The following DIAPH2 variants were observed in gnomAD, a reference collection of about 807,000 sequenced individuals.
DIAPH2 encodes diaphanous related formin 2, also known as protein diaphanous homolog 2.
A neutral mutation model predicts 92.7 loss-of-function variants in DIAPH2; 35 were observed. That is an observed-to-expected ratio of 0.38 (90% CI 0.29 to 0.50). The LOEUF (loss-of-function observed/expected upper bound fraction) is 0.50. DIAPH2 is among the 20% of genes least tolerant of loss of function. The pLI is 0.94. For missense variants in DIAPH2, 701 were observed against 819.5 expected, an observed-to-expected ratio of 0.86 and a Z score of 1.77; for synonymous variants, 301 against 280.4, an observed-to-expected ratio of 1.07 and a Z score of -0.73.
intron 26 of DIAPH2, chrX:97,431,387 A>T (rs957395500): frequency 1.8e-5 from 2 of 112,466 alleles, no homozygotes; most frequent in Non-Finnish European, 3.8e-5. Context: ...TGTTTATTTT[A>T]AAAATGCACA....
At chrX:96,929,574 C>T (rs1328687588) in intron 9 of DIAPH2, among the ~76,000 whole-genome samples, 2 of 110,923 alleles carry the variant, frequency 1.8e-5, no homozygotes, top group East Asian at 5.6e-4. Flanking sequence ...GTAAAGCATA[C>T]CTTTTAATCT....
intron 22 of DIAPH2, among the ~76,000 whole-genome samples, chrX:97,161,595 G>C (rs763076940): frequency 9.0e-6 from 1 of 110,808 alleles, no homozygotes; most frequent in South Asian, 3.9e-4. Context: ...TGGAGAAGGG[G>C]GTTTCGCCAC....
At chrX:97,239,847 T>TCTCTCC (rs1292775151) in intron 22 of DIAPH2, among the ~76,000 whole-genome samples, 1 of 108,394 alleles carries the variant, frequency 9.2e-6, no homozygotes, top group Non-Finnish European at 1.9e-5. Context: ...TCTCTCTCTC[T>TCTCTCC]CTCTCTCTCT....
chrX:96,791,875 C>T (rs971661894), intron 4 of DIAPH2, among the ~76,000 whole-genome samples: 1 of 110,482 alleles, frequency 9.1e-6, no homozygotes, highest in Non-Finnish European at 1.9e-5. Flanking sequence ...GTTTAGGAGG[C>T]GGCTGAAATT....
At chrX:97,155,666 G>A (rs1602379831) in intron 22 of DIAPH2, among the ~76,000 whole-genome samples, 1 of 111,674 alleles carries the variant, frequency 9.0e-6, no homozygotes. Context: ...CTTGTAGTCA[G>A]AAGTCTGAGA....
At chrX:97,059,462 T>A (rs1361633322) in intron 17 of DIAPH2, among the ~76,000 whole-genome samples, 3 of 111,084 alleles carry the variant, frequency 2.7e-5, no homozygotes, top group Non-Finnish European at 5.7e-5. Context: ...AGTTGACCCT[T>A]GAGTAACATG....
chrX:97,153,479 G>A (rs1219607545), intron 22 of DIAPH2, among the ~76,000 whole-genome samples: 2 of 110,093 alleles, frequency 1.8e-5, no homozygotes, highest in African/African-American at 6.6e-5. Context: ...CAGCTACTTG[G>A]GAGGTTGAGG....
chrX:97,084,300 A>T (rs908913705), intron 19 of DIAPH2, among the ~76,000 whole-genome samples: 1 of 111,508 alleles, frequency 9.0e-6, no homozygotes, highest in Non-Finnish European at 1.9e-5. Context: ...TGAACGGATC[A>T]AATTAAATAA....
At chrX:97,063,737 A>G (rs1465904126) in intron 17 of DIAPH2, among the ~76,000 whole-genome samples, 1 of 112,085 alleles carries the variant, frequency 8.9e-6, no homozygotes, top group Non-Finnish European at 1.9e-5. Flanking sequence ...ACATTTTCTC[A>G]TATTTGCAAA....
chrX:97,387,093 C>G (rs1358377566), intron 25 of DIAPH2, among the ~76,000 whole-genome samples: 1 of 111,071 alleles, frequency 9.0e-6, no homozygotes, highest in African/African-American at 3.3e-5. Flanking sequence ...GAGACAGGGT[C>G]TCACTCTGTC....
At chrX:96,988,468 T>G (rs775445776) in intron 17 of DIAPH2, among the ~76,000 whole-genome samples, 3 of 110,280 alleles carry the variant, frequency 2.7e-5, no homozygotes, top group South Asian at 7.9e-4. Flanking sequence ...CTTTTAGATT[T>G]GGGGCTTGAG....
chrX:97,214,125 CA>C (rs1205074795), intron 22 of DIAPH2, among the ~76,000 whole-genome samples: 3 of 112,309 alleles, frequency 2.7e-5, no homozygotes, highest in Non-Finnish European at 5.6e-5. Flanking sequence ...GGCATAAAAT[CA>C]AATCGCTGCT....
rs760329048 is a variant in DIAPH2, at chrX:96,770,467, A to G, written c.447+12209A>G. 2.9e-4 allele frequency among the ~76,000 whole-genome samples: 32 copies of G among 111,954 alleles called. No individual in the cohort carries two copies. The Admixed American group carries it at 2.9e-3, about 10-fold the overall frequency. On this transcript the variant is annotated intron_variant, in intron 4 of 26. Transcript: ENST00000324765. ...TGAATATGTTCTGTGAAAAAAGATT[A>G]AATCTTATTTTTCCTTTTTTCTCCT...
chrX:97,403,571 C>T (rs2069779039), intron 25 of DIAPH2, among the ~76,000 whole-genome samples: 1 of 112,145 alleles, frequency 8.9e-6, no homozygotes, highest in Admixed American at 9.4e-5. Context: ...GGATAGTTTA[C>T]ACCACATTCT....
chrX:96,747,414 T>C (rs2064157427), intron 3 of DIAPH2, among the ~76,000 whole-genome samples: 1 of 112,407 alleles, frequency 8.9e-6, no homozygotes. Flanking sequence ...CATTTCAACC[T>C]AATTTGTTAA....
chrX:97,125,914 A>G (rs2147390690), intron 21 of DIAPH2, among the ~76,000 whole-genome samples: 1 of 111,778 alleles, frequency 8.9e-6, no homozygotes, highest in Non-Finnish European at 1.9e-5. Context: ...ATATATCAGG[A>G]GCAGCAATAA....
At chrX:97,012,982 C>T (rs2066237652) in intron 17 of DIAPH2, among the ~76,000 whole-genome samples, 1 of 112,268 alleles carries the variant, frequency 8.9e-6, no homozygotes, top group African/African-American at 3.2e-5. Context: ...TATCCCACCT[C>T]TCAAACTAAC....
chrX:97,028,637 ATTCC>A (rs2066351541), intron 17 of DIAPH2, among the ~76,000 whole-genome samples: 1 of 111,982 alleles, frequency 8.9e-6, no homozygotes, highest in African/African-American at 3.2e-5. Context: ...TCAATACTTC[ATTCC>A]TTTTTATGGC....
chrX:96,759,150 T>C (rs1242303188), intron 4 of DIAPH2, among the ~76,000 whole-genome samples: 2 of 111,077 alleles, frequency 1.8e-5, no homozygotes, highest in African/African-American at 3.3e-5. Flanking sequence ...ATTTAGGTCA[T>C]GTGTTTTAAA....
Sources: gnomAD v4.1 joint callset for allele counts (sites outside exome capture counted in the v4.1 genomes callset) on GRCh38, gnomAD v4.1.1 for gene constraint, MANE v1.5 for transcripts, NCBI Gene and HGNC (gene_info 2026-07-23, HGNC 2026-07-21) for gene names.